ZC3H12B: variants seen among roughly 807,000 people sequenced by gnomAD.
ZC3H12B encodes zinc finger CCCH-type containing 12B.
A neutral mutation model predicts 43.9 loss-of-function variants in ZC3H12B; 7 were observed. The ratio of observed to expected loss-of-function variants is 0.16; its 90% CI spans 0.09 to 0.30. The LOEUF is 0.30. Among genes scored for constraint, ZC3H12B ranks in the 10% least tolerant of loss-of-function variants. The probability of loss-of-function intolerance (pLI) is 1.00; values close to 1 mark genes in which losing one functional copy is unlikely to be tolerated. For missense variants in ZC3H12B, 475 were observed against 670.2 expected, an observed-to-expected ratio of 0.71 and a Z score of 3.22; for synonymous variants, 222 against 241.7, an observed-to-expected ratio of 0.92 and a Z score of 0.76.
chrX:65,202,844 C>T, the ZC3H12B span, among the ~76,000 whole-genome samples: 2 of 111,392 alleles, frequency 1.8e-5, no homozygotes, highest in Admixed American at 9.6e-5. Flanking sequence ...GGCAAGTTCC[C>T]CCCAACCCTG....
chrX:65,152,311 A>T, the ZC3H12B span, among the ~76,000 whole-genome samples: 4 of 111,735 alleles, frequency 3.6e-5, no homozygotes, highest in Non-Finnish European at 7.5e-5. Context: ...TGCAGATGAC[A>T]TGATTGTATA....
At chrX:65,313,846 A>G in the ZC3H12B span, among the ~76,000 whole-genome samples, 3 of 112,304 alleles carry the variant, frequency 2.7e-5, no homozygotes, top group South Asian at 1.1e-3. Context: ...CAACTCTGAA[A>G]TGACTCAGAT....
chrX:65,409,115 C>A (rs1404626627), intron 3 of ZC3H12B, among the ~76,000 whole-genome samples: 1 of 110,444 alleles, frequency 9.1e-6, no homozygotes, highest in Non-Finnish European at 1.9e-5. Context: ...GGCAAAATTG[C>A]ACTTGACTAA....
At chrX:65,148,878 T>G in the ZC3H12B span, among the ~76,000 whole-genome samples, 1 of 112,055 alleles carries the variant, frequency 8.9e-6, no homozygotes, top group Non-Finnish European at 1.9e-5. Flanking sequence ...GAAAATTTTA[T>G]TCCACCATCT....
chrX:65,283,469 G>A, the ZC3H12B span, among the ~76,000 whole-genome samples: 1 of 111,554 alleles, frequency 9.0e-6, no homozygotes, highest in Admixed American at 9.5e-5. Flanking sequence ...GGAAGTTCTG[G>A]CCAGGGCAAT....
At chrX:65,337,682 A>G in the ZC3H12B span, among the ~76,000 whole-genome samples, 1 of 112,828 alleles carries the variant, frequency 8.9e-6, no homozygotes, top group Non-Finnish European at 1.9e-5. Flanking sequence ...AAGGGTATTG[A>G]TAGCGTGCAT....
At chrX:65,176,429 A>C in the ZC3H12B span, among the ~76,000 whole-genome samples, 2 of 111,511 alleles carry the variant, frequency 1.8e-5, no homozygotes, top group African/African-American at 6.5e-5. Context: ...AGAACAGAGC[A>C]CCTGGGTGAA....
chrX:65,202,859 G>A, the ZC3H12B span, among the ~76,000 whole-genome samples: 1 of 111,610 alleles, frequency 9.0e-6, no homozygotes, highest in Non-Finnish European at 1.9e-5. Context: ...ACCCTGGGAA[G>A]GTCTAGAGCT....
chrX:65,430,911 C>T (rs903799293), intron 3 of ZC3H12B, among the ~76,000 whole-genome samples: 1 of 111,200 alleles, frequency 9.0e-6, no homozygotes, highest in Admixed American at 9.6e-5. Context: ...AGTCCCAATG[C>T]AAGAATCAGG....
chrX:65,453,403 T>TATATAA (rs2067551786), intron 3 of ZC3H12B, among the ~76,000 whole-genome samples: 1 of 67,939 alleles, frequency 1.5e-5, no homozygotes, highest in Non-Finnish European at 2.7e-5. Flanking sequence ...TATATATATA[T>TATATAA]AAAATAGAAT....
At chrX:65,102,842 T>A in the ZC3H12B span, among the ~76,000 whole-genome samples, 3 of 111,541 alleles carry the variant, frequency 2.7e-5, no homozygotes, top group Non-Finnish European at 5.7e-5. Flanking sequence ...GGTTCCGTGA[T>A]GCCCCCTGAA....
chrX:65,121,677 C>T, the ZC3H12B span, among the ~76,000 whole-genome samples: 1 of 110,931 alleles, frequency 9.0e-6, no homozygotes, highest in African/African-American at 3.3e-5. Flanking sequence ...TTAGTTATTT[C>T]TTGCCTTCTG....
At chrX:65,087,401 CAG>C in the ZC3H12B span, among the ~76,000 whole-genome samples, 1 of 112,162 alleles carries the variant, frequency 8.9e-6, no homozygotes, top group African/African-American at 3.2e-5. Context: ...ATGGCAAAGC[CAG>C]AGACTGGCAC....
the ZC3H12B span, among the ~76,000 whole-genome samples, chrX:65,055,934 T>C: frequency 1.2e-3 from 132 of 111,937 alleles, 1 homozygote; most frequent in African/African-American, 4.1e-3. Context: ...AGTGGTGATA[T>C]CCCCTTTATC....
At chrX:65,209,964 C>T in the ZC3H12B span, among the ~76,000 whole-genome samples, 3 of 85,565 alleles carry the variant, frequency 3.5e-5, no homozygotes, top group South Asian at 5.4e-4. Context: ...CCATAAAAAC[C>T]CTAGAAGAAA....
chrX:65,460,538 C>T (rs973830923), intron 3 of ZC3H12B, among the ~76,000 whole-genome samples: 3 of 111,252 alleles, frequency 2.7e-5, no homozygotes, highest in African/African-American at 9.8e-5. Flanking sequence ...AGAACAGAGC[C>T]CTCAGAAATA....
chrX:65,133,676 C>T, the ZC3H12B span, among the ~76,000 whole-genome samples: 2 of 110,311 alleles, frequency 1.8e-5, no homozygotes, highest in South Asian at 4.0e-4. Context: ...GGTGGGAGAG[C>T]GGAGGCTGAG....
chrX:65,161,399 GT>G, the ZC3H12B span, among the ~76,000 whole-genome samples: 1 of 111,335 alleles, frequency 9.0e-6, no homozygotes, highest in Non-Finnish European at 1.9e-5. Context: ...GGGATTCTAA[GT>G]CTCTTTGTAG....
chrX:65,191,704 A>C, the ZC3H12B span, among the ~76,000 whole-genome samples: 1 of 106,907 alleles, frequency 9.4e-6, no homozygotes, highest in East Asian at 2.9e-4. Context: ...TTTCTTTATT[A>C]GTCTTGCTAG....
Sources: allele counts gnomAD v4.1 joint callset (sites outside exome capture counted in the v4.1 genomes callset), GRCh38; gene constraint gnomAD v4.1.1; transcripts MANE v1.5; gene names NCBI Gene and HGNC (gene_info 2026-07-23, HGNC 2026-07-21).